The following NPAS3 variants were observed in gnomAD, a reference collection of about 807,000 sequenced individuals.
NPAS3 encodes neuronal PAS domain protein 3, also known as neuronal PAS domain-containing protein 3.
Under a neutral mutation model 73.1 loss-of-function variants are expected in NPAS3, and 14 were observed. The observed-to-expected ratio is 0.19, with a 90% CI of 0.13 to 0.30. The LOEUF is 0.30. Among genes scored for constraint, NPAS3 ranks in the 10% least tolerant of loss-of-function variants. NPAS3 has a pLI of 1.00. For synonymous variants in NPAS3, 620 were observed against 541.5 expected (o/e 1.14, Z -2.01); for missense variants, 1,096 against 1,250.0 (o/e 0.88, Z 1.86).
chr14:33,426,048 C>T (rs1389527995), intron 4 of NPAS3, among the ~76,000 whole-genome samples: 2 of 152,072 alleles, frequency 1.3e-5, no homozygotes, highest in African/African-American at 2.4e-5. Flanking sequence ...ATTCACTGAG[C>T]TTACTGCTTT....
At chr14:32,958,178 G>T (rs1464223823) in intron 1 of NPAS3, among the ~76,000 whole-genome samples, 8 of 151,610 alleles carry the variant, frequency 5.3e-5, no homozygotes, top group Admixed American at 3.3e-4. Context: ...GTCCACCTTG[G>T]TTTTTTTCAT....
chr14:33,433,453 A>T (rs2048860483), intron 4 of NPAS3, among the ~76,000 whole-genome samples: 1 of 152,190 alleles, frequency 6.6e-6, no homozygotes, highest in African/African-American at 2.4e-5. Context: ...CATCTCCAGA[A>T]ACAGTCTCAG....
intron 1 of NPAS3, among the ~76,000 whole-genome samples, chr14:32,959,032 G>A (rs2036798060): frequency 6.6e-6 from 1 of 151,990 alleles, no homozygotes; most frequent in African/African-American, 2.4e-5. Flanking sequence ...AATAAACATG[G>A]CAAAAAAAAT....
chr14:33,306,113 T>C (rs2042743592), intron 3 of NPAS3, among the ~76,000 whole-genome samples: 1 of 152,180 alleles, frequency 6.6e-6, no homozygotes, highest in Non-Finnish European at 1.5e-5. Context: ...TAAACTAGTA[T>C]ATAAAAAGAA....
chr14:32,961,676 A>G (rs1014052538), intron 1 of NPAS3, among the ~76,000 whole-genome samples: 3 of 152,080 alleles, frequency 2.0e-5, no homozygotes, highest in East Asian at 3.9e-4. Context: ...CATTTCTTGA[A>G]CTTTGTCTCA....
At chr14:33,239,504 G>C (rs2048148534) in intron 3 of NPAS3, among the ~76,000 whole-genome samples, 1 of 151,830 alleles carries the variant, frequency 6.6e-6, no homozygotes, top group African/African-American at 2.4e-5. Flanking sequence ...ACAGTGGCCT[G>C]TGGGGTACTG....
At chr14:33,187,038 T>G (rs2139479748) in intron 2 of NPAS3, among the ~76,000 whole-genome samples, 1 of 152,344 alleles carries the variant, frequency 6.6e-6, no homozygotes, top group Admixed American at 6.5e-5. Flanking sequence ...ACCAGCATCC[T>G]GGATTTCCTT....
intron 2 of NPAS3, among the ~76,000 whole-genome samples, chr14:33,133,969 T>C (rs1315184057): frequency 6.6e-6 from 1 of 152,154 alleles, no homozygotes; most frequent in African/African-American, 2.4e-5. Flanking sequence ...TAACTTCAAA[T>C]AGAAAAATTA....
At chr14:33,106,001 T>C (rs775131300) in intron 2 of NPAS3, among the ~76,000 whole-genome samples, 7 of 152,174 alleles carry the variant, frequency 4.6e-5, no homozygotes, top group Non-Finnish European at 8.8e-5. Context: ...AATAGTTACA[T>C]GAAACAAACT....
At chr14:33,380,558 G>GT (rs2046502561) in intron 4 of NPAS3, among the ~76,000 whole-genome samples, 2 of 152,106 alleles carry the variant, frequency 1.3e-5, no homozygotes, top group Non-Finnish European at 2.9e-5. Context: ...TGATTGCAAG[G>GT]TAAGTAATCC....
chr14:33,582,670 G>T (rs985536701), intron 5 of NPAS3, among the ~76,000 whole-genome samples: 8 of 152,070 alleles, frequency 5.3e-5, no homozygotes, highest in African/African-American at 1.9e-4. Context: ...CCTTTCAAAT[G>T]TTCAAGATCC....
At chr14:33,538,920 T>C (rs2054378760) in intron 4 of NPAS3, among the ~76,000 whole-genome samples, 1 of 152,196 alleles carries the variant, frequency 6.6e-6, no homozygotes, top group African/African-American at 2.4e-5. Context: ...TCACATAAGA[T>C]GATAGGATTT....
intron 6 of NPAS3, among the ~76,000 whole-genome samples, chr14:33,677,001 T>A (rs1171962665): frequency 6.6e-6 from 1 of 152,174 alleles, no homozygotes; most frequent in Non-Finnish European, 1.5e-5. Context: ...TTATAGACTT[T>A]GCATTCAGAA....
intron 1 of NPAS3, among the ~76,000 whole-genome samples, chr14:33,035,771 C>T (rs1261528926): frequency 3.3e-5 from 5 of 152,008 alleles, no homozygotes; most frequent in Non-Finnish European, 7.4e-5. Flanking sequence ...CTCTTTGTAC[C>T]ATTTGTGTTT....
intron 4 of NPAS3, among the ~76,000 whole-genome samples, chr14:33,549,101 C>T (rs904413518): frequency 6.6e-6 from 1 of 152,134 alleles, no homozygotes; most frequent in African/African-American, 2.4e-5. Flanking sequence ...AAATGACCAT[C>T]CAGTGACAAT....
intron 4 of NPAS3, among the ~76,000 whole-genome samples, chr14:33,377,574 A>G (rs893899881): frequency 6.6e-6 from 1 of 152,250 alleles, no homozygotes; most frequent in Non-Finnish European, 1.5e-5. Context: ...GGATGTTCAT[A>G]ATGATGTCTC....
chr14:33,294,518 A>G (rs2042219128), intron 3 of NPAS3, among the ~76,000 whole-genome samples: 1 of 152,056 alleles, frequency 6.6e-6, no homozygotes, highest in Admixed American at 6.5e-5. Flanking sequence ...TGTTAGTGTG[A>G]TGCATTGTTG....
intron 1 of NPAS3, among the ~76,000 whole-genome samples, chr14:33,054,980 GTAT>G (rs2040837775): frequency 6.6e-6 from 1 of 152,038 alleles, no homozygotes; most frequent in Admixed American, 6.6e-5. Flanking sequence ...AAGATATTAA[GTAT>G]CTACTGGCTT....
intron 4 of NPAS3, among the ~76,000 whole-genome samples, chr14:33,547,688 AC>A (rs1256963674): frequency 6.6e-6 from 1 of 152,188 alleles, no homozygotes; most frequent in East Asian, 1.9e-4. Context: ...TAAAATAAGA[AC>A]ATAGAAGGGG....
Sources: allele counts gnomAD v4.1 joint callset (sites outside exome capture counted in the v4.1 genomes callset), GRCh38; gene constraint gnomAD v4.1.1; transcripts MANE v1.5; gene names NCBI Gene and HGNC (gene_info 2026-07-23, HGNC 2026-07-21).